Variants in CYP39A1 observed in about 807,000 individuals in gnomAD.
CYP39A1 encodes 24-hydroxycholesterol 7-alpha-hydroxylase.
Under a neutral mutation model 58.1 loss-of-function variants are expected in CYP39A1, and 49 were observed. That is an observed-to-expected ratio of 0.84 (90% CI 0.67 to 1.07). The LOEUF (loss-of-function observed/expected upper bound fraction) is 1.07, where lower values mean the gene tolerates loss of function less well. Among genes scored for constraint, CYP39A1 ranks in the 50% least tolerant of loss-of-function variants. The probability of loss-of-function intolerance (pLI) is 0.00; values close to 1 mark genes in which losing one functional copy is unlikely to be tolerated. For missense variants in CYP39A1, 531 were observed against 539.4 expected, an observed-to-expected ratio of 0.98 and a Z score of 0.16; for synonymous variants, 209 against 187.6, an observed-to-expected ratio of 1.11 and a Z score of -0.93.
At chr6:46,649,269 G>A (rs946051668) in intron 1 of CYP39A1, among the ~76,000 whole-genome samples, 1 of 152,190 alleles carries the variant, frequency 6.6e-6, no homozygotes, top group African/African-American at 2.4e-5. Context: ...TATAATGACA[G>A]CTTTCATCAT....
chr6:46,603,254 G>A (rs940239278), intron 7 of CYP39A1, among the ~76,000 whole-genome samples: 12 of 152,188 alleles, frequency 7.9e-5, no homozygotes, highest in Admixed American at 7.2e-4. Flanking sequence ...ATGCCAAAGG[G>A]AAATATTAAG....
intron 7 of CYP39A1, among the ~76,000 whole-genome samples, chr6:46,599,290 G>A (rs1561979035): frequency 6.6e-6 from 1 of 151,932 alleles, no homozygotes; most frequent in South Asian, 2.1e-4. Context: ...CGCTATAGGA[G>A]CACAGCGGTG....
intron 10 of CYP39A1, among the ~76,000 whole-genome samples, chr6:46,582,869 T>C (rs1046918381): frequency 1.3e-5 from 2 of 152,040 alleles, no homozygotes; most frequent in African/African-American, 4.8e-5. Context: ...AACCCTAACC[T>C]GACACATAGC....
chr6:46,636,881 G>A (rs1212003602), intron 4 of CYP39A1, among the ~76,000 whole-genome samples: 1 of 152,136 alleles, frequency 6.6e-6, no homozygotes, highest in Non-Finnish European at 1.5e-5. Flanking sequence ...TGTCTGAACA[G>A]TCACCATTGT....
chr6:46,581,521 T>C (rs767651591), intron 10 of CYP39A1, among the ~76,000 whole-genome samples: 3 of 152,062 alleles, frequency 2.0e-5, no homozygotes, highest in Non-Finnish European at 4.4e-5. Flanking sequence ...TGCAGCAACA[T>C]GGATACAGCT....
In CYP39A1 at chr6:46,638,643, A is replaced by G. The variant is rs1776143422; in HGVS notation, c.489-665T>C. 5.3e-5 allele frequency among the ~76,000 whole-genome samples: 8 copies of G among 152,268 alleles called. No individual in the cohort carries two copies. The South Asian group carries it at 1.7e-3, about 32-fold the overall frequency. On this transcript the variant is annotated intron_variant, in intron 3 of 11. Coordinates refer to ENST00000275016, the MANE Select transcript of CYP39A1 (RefSeq NM_016593.5). ...CCAAGAATATTTTGTTCATTTCAAT[A>G]TCTTCATTTTGTTATAGATATTGGG...
intron 10 of CYP39A1, chr6:46,586,394 T>C (rs1772475721): frequency 3.1e-6 from 3 of 982,628 alleles, no homozygotes; most frequent in African/African-American, 1.8e-5. Flanking sequence ...TTAATGTAGA[T>C]TGTAAATTCT....
chr6:46,630,985 G>A lies in CYP39A1; in HGVS notation c.818C>T (p.Ala273Val), dbSNP rs750510136. ...SPNYGLLLLW[A>V]SLSNAVPVAF... ...TACAGGAACAGCATTAGACAGAGAA[G>A]CCCAAAGCAGTAAGAGCCCATAATT... The change falls in exon 6 of 12, where the codon GCT becomes GTT. Residue 273 changes from alanine to valine, a missense_variant. Physicochemically the swap from Ala to Val is moderately conservative, Grantham distance 64. Transcript: ENST00000275016. 6.2e-7 allele frequency: 1 copy of A among 1,613,688 alleles called. No homozygotes were observed. The highest frequency in any genetic ancestry group is 8.5e-7 in the Non-Finnish European group (1 of 1,179,728).
chr6:46,569,310 A>G (rs1219817265), intron 10 of CYP39A1, among the ~76,000 whole-genome samples: 2 of 152,096 alleles, frequency 1.3e-5, no homozygotes, highest in African/African-American at 4.8e-5. Flanking sequence ...AGATCATATC[A>G]TCTGTGAAGA....
intron 7 of CYP39A1, among the ~76,000 whole-genome samples, chr6:46,621,089 G>A (rs541073900): frequency 1.3e-5 from 2 of 152,230 alleles, no homozygotes; most frequent in East Asian, 1.9e-4. Context: ...AGTGTTGAAT[G>A]TGTATCACTT....
At chr6:46,576,573 T>C (rs563970767) in intron 10 of CYP39A1, among the ~76,000 whole-genome samples, 60 of 152,242 alleles carry the variant, frequency 3.9e-4, no homozygotes, top group African/African-American at 1.3e-3. Flanking sequence ...TAGGAGAAGG[T>C]TGAAACCCAA....
chr6:46,572,447 G>C (rs989289051), intron 10 of CYP39A1, among the ~76,000 whole-genome samples: 1 of 152,036 alleles, frequency 6.6e-6, no homozygotes, highest in African/African-American at 2.4e-5. Context: ...TATATCATTG[G>C]TTTTCAGAAT....
intron 1 of CYP39A1, among the ~76,000 whole-genome samples, chr6:46,650,065 A>AC (rs886987814): frequency 4.0e-5 from 6 of 151,022 alleles, no homozygotes; most frequent in South Asian, 2.1e-4. Flanking sequence ...CTCAGAATGG[A>AC]CCCCCACCCA....
In CYP39A1 at chr6:46,587,132, A is replaced by G; in HGVS notation, c.1195T>C (p.Ser399Pro). ...AATGCCATGAAGCAGTCCAAGAAAG[A>G]GTGCTTCTCTAAATTTGCCTTTTTC... The part of the protein sequence containing the change: ...RWKKANLEKH[S>P]FLDCFMAFGS... Residue 399 changes from serine (S) to proline (P), a missense_variant, in exon 10 of 12, where the codon TCT (serine) becomes CCT (proline). Physicochemically the swap from Ser to Pro is moderately conservative, Grantham distance 74. Coordinates refer to ENST00000275016, the MANE Select transcript of CYP39A1 (RefSeq NM_016593.5). 1 of 1,611,912 alleles carries G rather than the reference A, an allele frequency of 6.2e-7. No homozygotes were observed. Among genetic ancestry groups the G allele is most frequent in the Non-Finnish European group, 8.5e-7 (1 of 1,179,050 alleles).
chr6:46,564,518 G>A (rs1771171894), intron 10 of CYP39A1, among the ~76,000 whole-genome samples: 1 of 152,070 alleles, frequency 6.6e-6, no homozygotes, highest in Admixed American at 6.6e-5. Flanking sequence ...TTTTAAAGGA[G>A]TGGAGAATGT....
At position 46,553,081 on chromosome 6, in the gene CYP39A1, A is replaced by G. The variant is rs894012082; in HGVS notation, c.1338+686T>C. ...AAAAACAACCCCCCAACCAAAAAAA[A>G]AAAAAAAAAAAAAGGAAAGAAATGC... On this transcript the variant is annotated intron_variant, in intron 11 of 11. Coordinates refer to ENST00000275016, the MANE Select transcript of CYP39A1 (RefSeq NM_016593.5). Among the ~76,000 whole-genome samples the G allele has an allele frequency of 2.9e-4, 44 of 151,426 alleles. 1 individual carries two copies. The highest frequency in any genetic ancestry group is 1.0e-3 in the African/African-American group (42 of 41,360).
At chr6:46,605,098 G>A (rs928068317) in intron 7 of CYP39A1, among the ~76,000 whole-genome samples, 5 of 152,008 alleles carry the variant, frequency 3.3e-5, no homozygotes. Flanking sequence ...AAGCCATCCT[G>A]GGCCACATGT....
At chr6:46,564,229 T>C (rs2150487134) in intron 10 of CYP39A1, among the ~76,000 whole-genome samples, 1 of 151,534 alleles carries the variant, frequency 6.6e-6, no homozygotes, top group East Asian at 1.9e-4. Flanking sequence ...TCTCCCTCTG[T>C]TGCCCAGGCT....
chr6:46,642,254 G>T lies in CYP39A1; in HGVS notation c.222C>A (p.Thr74=). ...TAATTCCTTCTTCTTCAGTAACAAA[G>T]GTCATTCGGTTTCCCATAGCAAAGA... is the stretch of plus-strand genomic sequence containing the variant. ...FTVFAMGNRM[T]FVTEEEGINV... is the part of the protein sequence containing the mutation. Residue 74 remains threonine (T), a synonymous_variant, in exon 2 of 12, where the codon ACC becomes ACA. Coordinates refer to ENST00000275016, the MANE Select transcript of CYP39A1 (RefSeq NM_016593.5). 3 of 1,612,764 alleles carry T rather than the reference G, an allele frequency of 1.9e-6. No individual in the cohort carries two copies. The highest frequency in any genetic ancestry group is 2.5e-6 in the Non-Finnish European group (3 of 1,179,316).
Sources: allele counts gnomAD v4.1 joint callset (sites outside exome capture counted in the v4.1 genomes callset), GRCh38; gene constraint gnomAD v4.1.1; transcripts MANE v1.5; gene names NCBI Gene and HGNC (gene_info 2026-07-23, HGNC 2026-07-21).